CNIH3: variants seen among roughly 807,000 people sequenced by gnomAD.
CNIH3 encodes protein cornichon homolog 3.
Under a neutral mutation model 24.1 loss-of-function variants are expected in CNIH3, and 14 were observed. The observed-to-expected ratio is 0.58, with a 90% CI of 0.38 to 0.91. CNIH3 has a LOEUF of 0.91. CNIH3 is among the 40% of genes least tolerant of loss of function. The pLI is 0.00. For missense variants in CNIH3, 178 were observed against 196.8 expected, an observed-to-expected ratio of 0.90 and a Z score of 0.57; for synonymous variants, 68 against 73.8, an observed-to-expected ratio of 0.92 and a Z score of 0.40.
chr1:224,520,935 G>C (rs1678600781), intron 1 of CNIH3: 1 of 152,230 alleles, frequency 6.6e-6, no homozygotes. Context: ...ATCTGGATCA[G>C]TAATTCCATG....
intron 4 of CNIH3, among the ~76,000 whole-genome samples, chr1:224,569,816 C>T (rs1441712892): frequency 2.0e-5 from 3 of 151,924 alleles, no homozygotes; most frequent in Admixed American, 1.3e-4. Flanking sequence ...ACAGAGTCTG[C>T]TCTGTTGCCC....
intron 3 of CNIH3, among the ~76,000 whole-genome samples, chr1:224,711,794 CAAAAAAAAAAAAA>C (rs11437581): frequency 1.5e-5 from 1 of 65,670 alleles, no homozygotes; most frequent in Non-Finnish European, 2.8e-5. Context: ...GACCCTGTCT[CAAAAAAAAAAAAA>C]AAAAAAAAAA....
intron 1 of CNIH3, among the ~76,000 whole-genome samples, chr1:224,483,534 C>T (rs2124826011): frequency 6.6e-6 from 1 of 152,042 alleles, no homozygotes; most frequent in East Asian, 2.0e-4. Context: ...GATTTATAGG[C>T]ACATGCCACC....
intron 3 of CNIH3, among the ~76,000 whole-genome samples, chr1:224,718,235 A>G (rs1017221703): frequency 6.6e-6 from 1 of 151,962 alleles, no homozygotes; most frequent in Non-Finnish European, 1.5e-5. Flanking sequence ...GGCTCATCTG[A>G]GGAGGTGACC....
chr1:224,461,059 G>A (rs1675892779), intron 1 of CNIH3, among the ~76,000 whole-genome samples: 1 of 150,472 alleles, frequency 6.6e-6, no homozygotes, highest in East Asian at 1.9e-4. Context: ...CTGGAGTGCA[G>A]TGGGGCGAGC....
chr1:224,609,580 A>C (rs188175174), intron 3 of CNIH3, among the ~76,000 whole-genome samples: 2 of 152,322 alleles, frequency 1.3e-5, no homozygotes, highest in East Asian at 3.9e-4. Context: ...GTAACTTGAT[A>C]TATCATACCA....
At chr1:224,626,531 T>C (rs1683534293) in intron 1 of CNIH3, among the ~76,000 whole-genome samples, 1 of 152,246 alleles carries the variant, frequency 6.6e-6, no homozygotes, top group Admixed American at 6.5e-5. Flanking sequence ...TGATAGACTG[T>C]AATGGGGCCA....
chr1:224,596,658 T>C (rs1348474428), intron 3 of CNIH3, among the ~76,000 whole-genome samples: 1 of 152,210 alleles, frequency 6.6e-6, no homozygotes, highest in Non-Finnish European at 1.5e-5. Context: ...GTATATGTTT[T>C]TGTCTATGGT....
intron 4 of CNIH3, 103 bp from the exon 5 acceptor site, chr1:224,734,460 T>G: frequency 8.3e-7 from 1 of 1,201,758 alleles, no homozygotes; most frequent in Non-Finnish European, 1.2e-6. Context: ...AGGCAATTGC[T>G]TGGCAGGGAT....
intron 1 of CNIH3, among the ~76,000 whole-genome samples, chr1:224,474,897 C>T (rs1392958452): frequency 6.0e-5 from 9 of 150,300 alleles, no homozygotes; most frequent in East Asian, 2.0e-4. Context: ...AAAAAAAAGC[C>T]GGTCGTGGCA....
chr1:224,593,928 A>G (rs921001005), intron 3 of CNIH3, among the ~76,000 whole-genome samples: 6 of 152,202 alleles, frequency 3.9e-5, no homozygotes, highest in Non-Finnish European at 8.8e-5. Context: ...GCCGAGTAAG[A>G]AGTGCTCTAA....
rs182407514 is a variant in CNIH3 at position 224,574,408 on chromosome 1, G to A, written n.516+8144G>A. 6.9e-3 allele frequency: 3,640 copies of A among 530,084 alleles called. 27 individuals are homozygous for A. The highest frequency in any genetic ancestry group is 0.01 in the Non-Finnish European group (3,000 of 297,770). 32.8% of individuals were successfully genotyped at this position (530,084 alleles called of 1,614,324 possible). ...GAGTCACTGAGGTACATGGTTCTGG[G>A]TGGGGGTCTGGAGAGTGCAGCAGCC... On this transcript the variant is annotated intron_variant and non_coding_transcript_variant, in intron 4 of 5. Transcript: ENST00000471578.
chr1:224,506,280 C>T (rs555619316), intron 1 of CNIH3, among the ~76,000 whole-genome samples: 79 of 63,854 alleles, frequency 1.2e-3, no homozygotes, highest in African/African-American at 3.2e-3. Context: ...CGCGCGCGCG[C>T]GCGCGCGCAC....
chr1:224,614,452 C>T (rs1364456852), upstream of CNIH3, among the ~76,000 whole-genome samples: 1 of 152,014 alleles, frequency 6.6e-6, no homozygotes, highest in Non-Finnish European at 1.5e-5. Context: ...GGCTGGAAGA[C>T]TGCTTGAGGC....
chr1:224,529,022 T>C (rs1678955806), intron 2 of CNIH3, among the ~76,000 whole-genome samples: 1 of 152,144 alleles, frequency 6.6e-6, no homozygotes, highest in South Asian at 2.1e-4. Context: ...CTGTGTACCA[T>C]TTGGGGGAAG....
At chr1:224,637,515 T>C (rs1445387324) in intron 1 of CNIH3, among the ~76,000 whole-genome samples, 1 of 152,176 alleles carries the variant, frequency 6.6e-6, no homozygotes, top group Non-Finnish European at 1.5e-5. Flanking sequence ...CATAGCAAGA[T>C]GAAGATCGTG....
rs137900832 is a variant in CNIH3, at chr1:224,440,513, C to G, written n.203+5651C>G. On this transcript the variant is annotated intron_variant and non_coding_transcript_variant, in intron 1 of 5. Transcript: ENST00000471578. ...GTTCTGGGATTACAGACATGAGCAA[C>G]TGCTTCTGGCCTGAAGCATTAAGAG... 9.2e-5 allele frequency among the ~76,000 whole-genome samples: 14 copies of G among 152,304 alleles called. No individual in the cohort carries two copies. The South Asian group carries it at 2.9e-3, about 32-fold the overall frequency.
At chr1:224,608,963 T>C (rs948193221) in intron 3 of CNIH3, among the ~76,000 whole-genome samples, 8 of 152,232 alleles carry the variant, frequency 5.3e-5, no homozygotes, top group South Asian at 2.1e-4. Flanking sequence ...TGAAATCTTA[T>C]TGGGAAGCTG....
At chr1:224,664,628 G>A (rs954551652) in intron 1 of CNIH3, 2 of 152,080 alleles carry the variant, frequency 1.3e-5, no homozygotes, top group African/African-American at 4.8e-5. Flanking sequence ...ATGAGTTTGG[G>A]GAATAGTTTG....
Sources: gnomAD v4.1 joint callset for allele counts (sites outside exome capture counted in the v4.1 genomes callset) on GRCh38, gnomAD v4.1.1 for gene constraint, MANE v1.5 for transcripts, NCBI Gene and HGNC (gene_info 2026-07-23, HGNC 2026-07-21) for gene names.